GPC6: variants seen among roughly 807,000 people sequenced by gnomAD.
GPC6 encodes the protein glypican 6, also known as glypican-6.
A neutral mutation model predicts 55.2 loss-of-function variants in GPC6; 14 were observed. The observed-to-expected ratio is 0.25, with a 90% CI of 0.17 to 0.40. The LOEUF (loss-of-function observed/expected upper bound fraction) is 0.40. Among genes scored for constraint, GPC6 ranks in the 10% least tolerant of loss-of-function variants. The pLI is 1.00. For missense variants in GPC6, 641 were observed against 708.5 expected (o/e 0.90, Z 1.08); for synonymous variants, 278 against 259.6 (o/e 1.07, Z -0.68).
At chr13:93,494,889 A>T (rs1880195842) in intron 1 of GPC6, among the ~76,000 whole-genome samples, 1 of 148,910 alleles carries the variant, frequency 6.7e-6, no homozygotes, top group East Asian at 2.0e-4. Flanking sequence ...CTGCCGAGAG[A>T]TCCGCTGTTG....
At position 93,559,663 on chromosome 13, in the gene GPC6, G is replaced by A. The variant is rs78585994; in HGVS notation, c.319+14242G>A. On this transcript the variant is annotated intron_variant, in intron 2 of 8. Transcript: ENST00000377047. ...TTTACTTACTATACATTTATACAGC[G>A]TTTATTAAGTAGCTATTGATTGTTC... is the stretch of plus-strand genomic sequence containing the variant. 8.3e-3 allele frequency among the ~76,000 whole-genome samples: 1,264 copies of A among 152,216 alleles called. 22 individuals are homozygous for A. Among genetic ancestry groups the A allele is most frequent in the African/African-American group, 0.027 (1,114 of 41,534 alleles).
chr13:93,810,615 CA>C (rs577377258), intron 2 of GPC6, among the ~76,000 whole-genome samples: 1 of 151,590 alleles, frequency 6.6e-6, no homozygotes, highest in Non-Finnish European at 1.5e-5. Flanking sequence ...AAATGAATGA[CA>C]AAAAAAGGGC....
chr13:93,535,935 T>A (rs987625539), intron 1 of GPC6, among the ~76,000 whole-genome samples: 6 of 152,112 alleles, frequency 3.9e-5, no homozygotes, highest in Non-Finnish European at 7.4e-5. Context: ...AGCCTGTATG[T>A]TTGGGAATGT....
chr13:94,152,310 G>A (rs1356862122), intron 4 of GPC6, among the ~76,000 whole-genome samples: 1 of 152,138 alleles, frequency 6.6e-6, no homozygotes, highest in Non-Finnish European at 1.5e-5. Context: ...GATTGGATTT[G>A]GAGACATATA....
chr13:93,293,639 G>A (rs1258459309), intron 1 of GPC6, among the ~76,000 whole-genome samples: 1 of 152,172 alleles, frequency 6.6e-6, no homozygotes, highest in Non-Finnish European at 1.5e-5. Context: ...CAGTGTCATT[G>A]ATTGTGTTTG....
intron 2 of GPC6, among the ~76,000 whole-genome samples, chr13:93,646,370 G>A (rs1320067306): frequency 6.6e-6 from 1 of 152,000 alleles, no homozygotes; most frequent in East Asian, 1.9e-4. Context: ...TGAAAACTGT[G>A]GATTGTTTGC....
chr13:93,949,411 T>G (rs934900036), intron 3 of GPC6, among the ~76,000 whole-genome samples: 1 of 152,152 alleles, frequency 6.6e-6, no homozygotes, highest in African/African-American at 2.4e-5. Context: ...TGGTTGATAG[T>G]CCAATAAGAA....
chr13:93,718,409 G>T (rs1013894298), intron 2 of GPC6, among the ~76,000 whole-genome samples: 1 of 151,948 alleles, frequency 6.6e-6, no homozygotes, highest in Non-Finnish European at 1.5e-5. Flanking sequence ...GTCTTCTTTT[G>T]AAAAGTGTCT....
intron 6 of GPC6, among the ~76,000 whole-genome samples, chr13:94,337,430 T>C (rs2139150895): frequency 6.6e-6 from 1 of 151,534 alleles, no homozygotes; most frequent in Non-Finnish European, 1.5e-5. Context: ...ATTTAATTCA[T>C]GATATACATT....
At chr13:93,234,692 GAGAGAGAGAGAGAGAGTGCA>G (rs1178837356) in intron 1 of GPC6, among the ~76,000 whole-genome samples, 2 of 149,232 alleles carry the variant, frequency 1.3e-5, no homozygotes, top group East Asian at 4.0e-4. Flanking sequence ...GTGTGTGAGA[GAGAGAGAGAGAGAGAGTGCA>G]AGAGAGAGAG....
chr13:94,385,122 C>T (rs896954328), intron 7 of GPC6, among the ~76,000 whole-genome samples: 1 of 152,088 alleles, frequency 6.6e-6, no homozygotes, highest in African/African-American at 2.4e-5. Flanking sequence ...TGCCTGTAGT[C>T]CCAGCTACTT....
chr13:94,170,469 A>C (rs1445037512), intron 4 of GPC6, among the ~76,000 whole-genome samples: 1 of 152,198 alleles, frequency 6.6e-6, no homozygotes, highest in Non-Finnish European at 1.5e-5. Flanking sequence ...AGAGCCCAGT[A>C]GCCGCTGTGT....
chr13:93,495,500 G>A (rs1282376762), intron 1 of GPC6, among the ~76,000 whole-genome samples: 2 of 135,998 alleles, frequency 1.5e-5, no homozygotes, highest in African/African-American at 5.5e-5. Context: ...TAATTTGATC[G>A]TCTGAAGCCT....
intron 4 of GPC6, among the ~76,000 whole-genome samples, chr13:94,216,238 G>T (rs145241343): frequency 0.012 from 1,818 of 152,160 alleles, 18 homozygotes; most frequent in Non-Finnish European, 0.019. Flanking sequence ...TAAGAATAAC[G>T]CATAATTACC....
chr13:93,224,057 C>T (rs1196478006), upstream of GPC6, among the ~76,000 whole-genome samples: 2 of 151,922 alleles, frequency 1.3e-5, no homozygotes, highest in East Asian at 2.0e-4. Flanking sequence ...GGCCACCACA[C>T]CCGTCTAATT....
chr13:93,982,070 C>T (rs1880828996), intron 3 of GPC6, among the ~76,000 whole-genome samples: 1 of 152,042 alleles, frequency 6.6e-6, no homozygotes, highest in Non-Finnish European at 1.5e-5. Flanking sequence ...GGGGTAAATA[C>T]CACTGAACAA....
chr13:93,781,832 G>A (rs996079889), intron 2 of GPC6, among the ~76,000 whole-genome samples: 2 of 152,018 alleles, frequency 1.3e-5, no homozygotes, highest in African/African-American at 4.8e-5. Context: ...AATTTTAATT[G>A]ACAAAAATTA....
chr13:94,105,553 A>G (rs1308592877), intron 4 of GPC6, among the ~76,000 whole-genome samples: 1 of 152,208 alleles, frequency 6.6e-6, no homozygotes, highest in African/African-American at 2.4e-5. Flanking sequence ...TTATCAGCAT[A>G]GAGGTATAAC....
chr13:93,921,382 T>TG (rs760686480), intron 3 of GPC6, among the ~76,000 whole-genome samples: 2 of 152,160 alleles, frequency 1.3e-5, no homozygotes, highest in African/African-American at 2.4e-5. Flanking sequence ...AGTGCCCTCT[T>TG]GGCACCCAGG....
Sources: allele counts gnomAD v4.1 joint callset (sites outside exome capture counted in the v4.1 genomes callset), GRCh38; gene constraint gnomAD v4.1.1; transcripts MANE v1.5; gene names NCBI Gene and HGNC (gene_info 2026-07-23, HGNC 2026-07-21).